Variants in PTK2 observed in about 807,000 individuals in gnomAD.
PTK2 encodes the protein focal adhesion kinase 1.
Under a neutral mutation model 150.1 loss-of-function variants are expected in PTK2, and 45 were observed. That is an observed-to-expected ratio of 0.30 (90% CI 0.24 to 0.38). The LOEUF (loss-of-function observed/expected upper bound fraction) is 0.38. Among genes scored for constraint, PTK2 ranks in the 10% least tolerant of loss-of-function variants. The pLI is 1.00. For synonymous variants in PTK2, 432 were observed against 449.2 expected (o/e 0.96, Z 0.48); for missense variants, 919 against 1,307.3 (o/e 0.70, Z 4.58).
chr8:140,717,042 G>A (rs2100040065), intron 23 of PTK2, among the ~76,000 whole-genome samples: 1 of 152,182 alleles, frequency 6.6e-6, no homozygotes, highest in Admixed American at 6.5e-5. Flanking sequence ...AAGCGGGCAA[G>A]TAAGGTCTAA....
chr8:140,974,548 A>C (rs1181802279), intron 1 of PTK2, among the ~76,000 whole-genome samples: 7 of 152,208 alleles, frequency 4.6e-5, no homozygotes, highest in African/African-American at 1.7e-4. Flanking sequence ...GATACAGTTC[A>C]ACTTAGAAAA....
chr8:140,666,993 T>A (rs774078386), intron 30 of PTK2, among the ~76,000 whole-genome samples: 2 of 152,188 alleles, frequency 1.3e-5, no homozygotes, highest in Non-Finnish European at 2.9e-5. Context: ...TGAGATACTA[T>A]GCTGAGTGAA....
chr8:140,898,173 T>C (rs1382700578), intron 2 of PTK2, among the ~76,000 whole-genome samples: 1 of 152,180 alleles, frequency 6.6e-6, no homozygotes, highest in Non-Finnish European at 1.5e-5. Context: ...AAAAAAGACA[T>C]ACCTAAGCCA....
chr8:140,758,571 G>A (rs909523921), intron 16 of PTK2, among the ~76,000 whole-genome samples: 1 of 152,012 alleles, frequency 6.6e-6, no homozygotes, highest in African/African-American at 2.4e-5. Flanking sequence ...AGACAGTGAT[G>A]TGGATGATCT....
At chr8:140,775,021 T>C (rs1344019470) in intron 14 of PTK2, among the ~76,000 whole-genome samples, 2 of 152,250 alleles carry the variant, frequency 1.3e-5, no homozygotes, top group Non-Finnish European at 2.9e-5. Flanking sequence ...ACACTGCTGC[T>C]CTGCCTATGG....
intron 10 of PTK2, among the ~76,000 whole-genome samples, chr8:140,810,290 C>T (rs1173303162): frequency 6.6e-6 from 1 of 152,234 alleles, no homozygotes; most frequent in Non-Finnish European, 1.5e-5. Context: ...GCCAGGGAAG[C>T]CCTGACTTGC....
At chr8:140,935,638 A>T (rs1603410780) in intron 1 of PTK2, among the ~76,000 whole-genome samples, 1 of 152,252 alleles carries the variant, frequency 6.6e-6, no homozygotes, top group African/African-American at 2.4e-5. Context: ...TTTGAAACCA[A>T]TAAAATGAAA....
At chr8:140,921,409 T>C (rs1420204648) in intron 2 of PTK2, among the ~76,000 whole-genome samples, 1 of 152,234 alleles carries the variant, frequency 6.6e-6, no homozygotes, top group Non-Finnish European at 1.5e-5. Flanking sequence ...AGATCATGTC[T>C]GTAGATGGCT....
intron 2 of PTK2, among the ~76,000 whole-genome samples, chr8:140,894,983 T>C (rs369953371): frequency 2.6e-5 from 4 of 152,190 alleles, no homozygotes; most frequent in East Asian, 1.9e-4. Flanking sequence ...AAGTTGCCCA[T>C]ACACTGAGTG....
At chr8:140,824,366 A>G (rs1002742544) in intron 8 of PTK2, among the ~76,000 whole-genome samples, 5 of 152,208 alleles carry the variant, frequency 3.3e-5, no homozygotes, top group Admixed American at 6.5e-5. Flanking sequence ...GCTGAGACCC[A>G]AGAAGTGAGA....
At chr8:140,767,186 A>G (rs574890935) in intron 14 of PTK2, among the ~76,000 whole-genome samples, 3 of 152,320 alleles carry the variant, frequency 2.0e-5, no homozygotes, top group African/African-American at 7.2e-5. Context: ...GCTAGCACAC[A>G]TTGTGGAAAA....
intron 5 of PTK2, among the ~76,000 whole-genome samples, chr8:140,847,491 G>C (rs553725375): frequency 6.6e-6 from 1 of 152,158 alleles, no homozygotes; most frequent in African/African-American, 2.4e-5. Context: ...AGATTAGCCT[G>C]AAAAGATTAA....
intron 1 of PTK2, among the ~76,000 whole-genome samples, chr8:140,993,560 A>G (rs2100196548): frequency 1.3e-5 from 2 of 152,236 alleles, no homozygotes; most frequent in Non-Finnish European, 2.9e-5. Flanking sequence ...TAAAACTGTT[A>G]AGCTCTTTCA....
Position 140,665,029 on chromosome 8 carries a change from A to AT in PTK2, c.2866-33_2866-32insA, listed in dbSNP as rs2088819679. On this transcript the variant is annotated intron_variant, in intron 30 of 31. Transcript: ENST00000522684. ...GACAAGAATCACAACCAATATTAGA[A>AT]CACACACAAAGGATTTTTATGCTTT... is the stretch of plus-strand genomic sequence containing the variant. 7.0e-6 allele frequency: 11 copies of AT among 1,564,232 alleles called. No individual in the cohort carries two copies. The East Asian group carries it at 2.5e-4, about 35-fold the overall frequency.
chr8:140,917,389 C>CAGATGAGAGG (rs1226075914), intron 2 of PTK2, among the ~76,000 whole-genome samples: 4 of 151,290 alleles, frequency 2.6e-5, no homozygotes, highest in Non-Finnish European at 5.9e-5. Flanking sequence ...CAGGGGAGGG[C>CAGATGAGAGG]AGATGAGAGG....
chr8:140,911,186 C>G (rs939999248), intron 2 of PTK2, among the ~76,000 whole-genome samples: 2 of 152,016 alleles, frequency 1.3e-5, no homozygotes, highest in Admixed American at 1.3e-4. Context: ...CCACAGCACC[C>G]AGCACTTTCT....
chr8:140,871,184 A>G (rs1042439974), intron 4 of PTK2, among the ~76,000 whole-genome samples: 1 of 152,262 alleles, frequency 6.6e-6, no homozygotes, highest in Non-Finnish European at 1.5e-5. Context: ...GAGTGGATGC[A>G]CTGCTCATAA....
intron 1 of PTK2, among the ~76,000 whole-genome samples, chr8:140,927,975 A>AAAATATATAT: frequency 1.9e-3 from 90 of 48,168 alleles, no homozygotes; most frequent in Admixed American, 3.1e-3. Flanking sequence ...AAAAAAAAAA[A>AAAATATATAT]ATATATATAT....
At chr8:140,861,661 T>C (rs2100136173) in intron 5 of PTK2, among the ~76,000 whole-genome samples, 1 of 152,216 alleles carries the variant, frequency 6.6e-6, no homozygotes, top group African/African-American at 2.4e-5. Context: ...TTTTATCTCA[T>C]ATAATGAACT....
Sources: gnomAD v4.1 joint callset for allele counts (sites outside exome capture counted in the v4.1 genomes callset) on GRCh38, gnomAD v4.1.1 for gene constraint, MANE v1.5 for transcripts, NCBI Gene and HGNC (gene_info 2026-07-23, HGNC 2026-07-21) for gene names.